Variants in TTLL11 observed in about 807,000 individuals in gnomAD.
TTLL11 encodes tubulin tyrosine ligase like 11.
In TTLL11, 42 loss-of-function variants were observed where a neutral mutation model predicts 51.7. That is an observed-to-expected ratio of 0.81 (90% confidence interval 0.64 to 1.05). TTLL11 has a LOEUF of 1.05. TTLL11 is among the 50% of genes least tolerant of loss of function. TTLL11 has a pLI of 0.00. For synonymous variants in TTLL11, 381 were observed against 383.5 expected, an observed-to-expected ratio of 0.99 and a Z score of 0.08; for missense variants, 799 against 940.4, an observed-to-expected ratio of 0.85 and a Z score of 1.97.
chr9:122,010,816 CATG>C (rs1482911719), intron 3 of TTLL11, among the ~76,000 whole-genome samples: 17 of 152,146 alleles, frequency 1.1e-4, no homozygotes, highest in African/African-American at 3.9e-4. Context: ...TTGTAGTTTA[CATG>C]ATAGTTAAAA....
At chr9:121,884,061 A>C (rs768271456) in intron 6 of TTLL11, among the ~76,000 whole-genome samples, 4 of 152,244 alleles carry the variant, frequency 2.6e-5, no homozygotes, top group Non-Finnish European at 5.9e-5. Flanking sequence ...AGAATGCCAG[A>C]CACATCGCTG....
chr9:122,087,863 T>C lies in TTLL11; in HGVS notation c.462+4824A>G, dbSNP rs115340067. On this transcript the variant is annotated intron_variant, in intron 1 of 8. Coordinates refer to ENST00000321582, the MANE Select transcript of TTLL11 (RefSeq NM_001139442.2). ...CATGCCTTTCTTTCATGTTGCAACATCAGTGGTGACTCTGTAAACATGATT... is the reference window on the plus strand; with the variant it reads ...CATGCCTTTCTTTCATGTTGCAACACCAGTGGTGACTCTGTAAACATGATT... Among the ~76,000 whole-genome samples the C allele has an allele frequency of 2.9e-3, 438 of 152,334 alleles. 5 individuals are homozygous for C. Among genetic ancestry groups the C allele is most frequent in the African/African-American group, 0.01 (421 of 41,584 alleles).
intron 2 of TTLL11, among the ~76,000 whole-genome samples, chr9:122,038,460 C>T (rs1844760214): frequency 6.6e-6 from 1 of 151,986 alleles, no homozygotes; most frequent in African/African-American, 2.4e-5. Flanking sequence ...GCCTGGCCAA[C>T]GTGACATGGC....
At chr9:122,014,740 C>G (rs191965560) in intron 3 of TTLL11, among the ~76,000 whole-genome samples, 28 of 152,264 alleles carry the variant, frequency 1.8e-4, no homozygotes, top group Admixed American at 5.9e-4. Context: ...GGCCATGGGA[C>G]TGTGGGCCAG....
chr9:121,857,539 C>A (rs1226420742), intron 8 of TTLL11, among the ~76,000 whole-genome samples: 1 of 152,206 alleles, frequency 6.6e-6, no homozygotes, highest in Non-Finnish European at 1.5e-5. Flanking sequence ...GCGATATATG[C>A]ACAAGTGAAG....
chr9:122,071,205 A>T (rs1845718022), intron 1 of TTLL11, among the ~76,000 whole-genome samples: 1 of 152,114 alleles, frequency 6.6e-6, no homozygotes, highest in Non-Finnish European at 1.5e-5. Flanking sequence ...TTAGGATTTT[A>T]CTTCCACACG....
chr9:121,860,780 T>G (rs1169653565), intron 7 of TTLL11, among the ~76,000 whole-genome samples: 1 of 152,226 alleles, frequency 6.6e-6, no homozygotes, highest in Non-Finnish European at 1.5e-5. Context: ...CACCTTGATC[T>G]TGGTCTTCCC....
At chr9:121,896,747 C>T (rs1025586843) in intron 6 of TTLL11, among the ~76,000 whole-genome samples, 1 of 152,126 alleles carries the variant, frequency 6.6e-6, no homozygotes, top group Non-Finnish European at 1.5e-5. Flanking sequence ...CTTCACCCGC[C>T]GCAAGAGGAA....
intron 1 of TTLL11, among the ~76,000 whole-genome samples, chr9:122,039,783 C>T (rs1244206086): frequency 2.0e-5 from 3 of 152,076 alleles, no homozygotes; most frequent in Non-Finnish European, 4.4e-5. Flanking sequence ...AAATTCCAAG[C>T]CCATACATCC....
At position 121,931,602 on chromosome 9, in the gene TTLL11, A is replaced by AG. The variant is rs1554770666; in HGVS notation, c.1481+42406_1481+42407insC. Among the ~76,000 whole-genome samples, 38 of 150,712 alleles carry AG rather than the reference A, an allele frequency of 2.5e-4. 1 individual carries two copies. Among genetic ancestry groups the AG allele is most frequent in the East Asian group, 1.8e-3 (9 of 5,092 alleles). The stretch of plus-strand genomic sequence containing the variant: ...TACTATTTAAAAAAAAAAAAAAAAA[A>AG]AAAGAAAAGAAAAGAAAGAAATATT... On this transcript the variant is annotated intron_variant, in intron 6 of 8. Transcript: ENST00000321582.
intron 6 of TTLL11, among the ~76,000 whole-genome samples, chr9:121,898,557 C>T (rs1175791059): frequency 6.6e-6 from 1 of 152,234 alleles, no homozygotes; most frequent in Admixed American, 6.5e-5. Context: ...AGTGTGGGGG[C>T]TCTGGCAATG....
intron 3 of TTLL11, among the ~76,000 whole-genome samples, chr9:121,996,216 C>T (rs1332141823): frequency 6.6e-6 from 1 of 152,176 alleles, no homozygotes; most frequent in Admixed American, 6.5e-5. Context: ...TCCCTCCTGT[C>T]CTCTCTCACC....
At chr9:121,848,232 A>G (rs1043886675) in intron 8 of TTLL11, among the ~76,000 whole-genome samples, 1 of 152,114 alleles carries the variant, frequency 6.6e-6, no homozygotes, top group Admixed American at 6.6e-5. Context: ...AAAAAAAAAA[A>G]GGAATCATAT....
At chr9:121,996,264 G>A (rs957082810) in intron 3 of TTLL11, among the ~76,000 whole-genome samples, 17 of 152,058 alleles carry the variant, frequency 1.1e-4, no homozygotes, top group African/African-American at 3.9e-4. Context: ...GACCTCCACC[G>A]ACCTCCTGCC....
At chr9:122,028,413 C>G (rs1029466956) in intron 3 of TTLL11, among the ~76,000 whole-genome samples, 2 of 152,134 alleles carry the variant, frequency 1.3e-5, no homozygotes, top group African/African-American at 4.8e-5. Flanking sequence ...ATATACCATG[C>G]AAATACTAAG....
intron 6 of TTLL11, among the ~76,000 whole-genome samples, chr9:121,971,426 C>T (rs1842569000): frequency 8.5e-6 from 1 of 117,244 alleles, no homozygotes; most frequent in Non-Finnish European, 2.0e-5. Context: ...GGCCAGCCGC[C>T]CCGTCCGGGA....
At chr9:121,966,337 T>C (rs73662547) in intron 6 of TTLL11, among the ~76,000 whole-genome samples, 12,331 of 152,156 alleles carry the variant, frequency 0.081, 792 homozygotes, top group African/African-American at 0.18. Flanking sequence ...TAAAACCCCC[T>C]CCGATTTCTC....
intron 8 of TTLL11, among the ~76,000 whole-genome samples, chr9:121,831,527 C>T (rs1245754542): frequency 1.3e-5 from 2 of 151,946 alleles, no homozygotes; most frequent in African/African-American, 4.8e-5. Context: ...AGTGAAACCC[C>T]GTCTCTACTA....
In TTLL11 at chr9:122,000,471, C is replaced by CAAA. The variant is rs57775265; in HGVS notation, c.694-10704_694-10702dup. Among the ~76,000 whole-genome samples, 108 of 22,804 alleles carry CAAA rather than the reference C, an allele frequency of 4.7e-3. 12 individuals carry two copies. Among genetic ancestry groups the CAAA allele is most frequent in the African/African-American group, 0.013 (102 of 8,088 alleles). The allele number at this position is 22,804 out of a possible 152,430, so 15.0% of individuals were successfully genotyped here. A position where few individuals can be genotyped will look rare whatever the true frequency, so the allele number is the denominator to read the frequency against. ...TGGGTGACAGAGTGAGACTCCGTCGCAAAAAAAAAAAAAAAAAAAAAAAAA... is the reference window on the plus strand; with the variant it reads ...TGGGTGACAGAGTGAGACTCCGTCGCAAAAAAAAAAAAAAAAAAAAAAAAAAAA... On this transcript the variant is annotated intron_variant, in intron 3 of 8. Coordinates refer to ENST00000321582, the MANE Select transcript of TTLL11 (RefSeq NM_001139442.2).
Sources: gnomAD v4.1 joint callset for allele counts (sites outside exome capture counted in the v4.1 genomes callset) on GRCh38, gnomAD v4.1.1 for gene constraint, MANE v1.5 for transcripts, NCBI Gene and HGNC (gene_info 2026-07-23, HGNC 2026-07-21) for gene names.